Variants in ASTN2 observed in about 807,000 individuals in gnomAD.
ASTN2 encodes the protein astrotactin-2.
ASTN2 carries 54 observed loss-of-function variants against 139.8 expected under a neutral mutation model. The observed-to-expected ratio is 0.39, with a 90% CI of 0.31 to 0.48. ASTN2 has a LOEUF of 0.48. Among genes scored for constraint, ASTN2 ranks in the 20% least tolerant of loss-of-function variants. The pLI is 0.95. For synonymous variants in ASTN2, 756 were observed against 719.5 expected (o/e 1.05, Z -0.81); for missense variants, 1,565 against 1,725.1 (o/e 0.91, Z 1.64).
At chr9:117,350,762 G>A (rs1036077144) in intron 1 of ASTN2, among the ~76,000 whole-genome samples, 10 of 152,014 alleles carry the variant, frequency 6.6e-5, no homozygotes, top group Non-Finnish European at 1.0e-4. Flanking sequence ...TCTACGTTAG[G>A]CTAAGAATGT....
intron 3 of ASTN2, among the ~76,000 whole-genome samples, chr9:117,170,336 T>G (rs1368430912): frequency 6.6e-6 from 1 of 152,080 alleles, no homozygotes; most frequent in Non-Finnish European, 1.5e-5. Flanking sequence ...ATGACCTCAG[T>G]TGCAATCTTC....
intron 1 of ASTN2, among the ~76,000 whole-genome samples, chr9:117,339,316 C>T (rs1828988779): frequency 6.6e-6 from 1 of 152,158 alleles, no homozygotes; most frequent in African/African-American, 2.4e-5. Flanking sequence ...CACTATGCCA[C>T]ACCGCATTGG....
chr9:116,797,532 G>A (rs1269285418), intron 13 of ASTN2, among the ~76,000 whole-genome samples: 1 of 152,134 alleles, frequency 6.6e-6, no homozygotes, highest in Non-Finnish European at 1.5e-5. Flanking sequence ...CCTCAAAGAA[G>A]GCAGCAAAGT....
At chr9:116,560,234 A>G (rs936628707) in intron 19 of ASTN2, among the ~76,000 whole-genome samples, 12 of 152,180 alleles carry the variant, frequency 7.9e-5, no homozygotes, top group African/African-American at 2.7e-4. Context: ...ATAACAGCCC[A>G]GTGGCATTTG....
chr9:116,818,102 A>G (rs920054083), intron 12 of ASTN2, among the ~76,000 whole-genome samples: 34 of 152,190 alleles, frequency 2.2e-4, no homozygotes, highest in Admixed American at 2.1e-3. Context: ...CATCGCTTGT[A>G]GAATTGTTAT....
intron 2 of ASTN2, among the ~76,000 whole-genome samples, chr9:117,267,729 C>G (rs1370275167): frequency 6.6e-6 from 1 of 152,192 alleles, no homozygotes; most frequent in Non-Finnish European, 1.5e-5. Flanking sequence ...TCAGCTCACT[C>G]TCTGACTTTG....
chr9:116,982,963 A>G (rs550440321), intron 7 of ASTN2, among the ~76,000 whole-genome samples: 1 of 152,296 alleles, frequency 6.6e-6, no homozygotes, highest in Admixed American at 6.5e-5. Flanking sequence ...AGAGGAGCTC[A>G]TGGCTTGCCC....
rs532246664 is a variant in ASTN2, at chr9:117,310,904, C to A, written c.443-19391G>T. Among the ~76,000 whole-genome samples, 6 of 152,248 alleles carry A rather than the reference C, an allele frequency of 3.9e-5. No homozygotes were observed. In the South Asian group the frequency reaches 1.2e-3, roughly 32 times the overall value. On this transcript the variant is annotated intron_variant, in intron 1 of 22. Coordinates refer to ENST00000313400, the MANE Select transcript of ASTN2 (RefSeq NM_001365068.1). ...TTCCCAAATTGCTTACAGGCATGAG[C>A]CACTGTACTCTGCCATTTGGACATG...
intron 19 of ASTN2, chr9:116,546,245 T>C (rs1852085737): frequency 6.6e-6 from 1 of 152,190 alleles, no homozygotes; most frequent in Non-Finnish European, 1.5e-5. Context: ...TATACCAGTT[T>C]GGTATACAAT....
intron 10 of ASTN2, among the ~76,000 whole-genome samples, chr9:116,948,785 G>GGTTTT (rs1835470645): frequency 2.0e-5 from 1 of 49,472 alleles, no homozygotes; most frequent in Non-Finnish European, 3.4e-5. Context: ...ATAATTTGGT[G>GGTTTT]TTTTTTTTTT....
intron 1 of ASTN2, among the ~76,000 whole-genome samples, chr9:117,356,866 C>G (rs1302457310): frequency 6.6e-6 from 1 of 152,026 alleles, no homozygotes; most frequent in African/African-American, 2.4e-5. Flanking sequence ...AGCTCAAGAC[C>G]AGCCTGGCCA....
intron 13 of ASTN2, among the ~76,000 whole-genome samples, chr9:116,760,065 G>T (rs1389835494): frequency 1.3e-5 from 2 of 152,172 alleles, no homozygotes; most frequent in Non-Finnish European, 2.9e-5. Flanking sequence ...AACAGGACGG[G>T]TTTAGGAGCT....
At chr9:116,431,291 T>A (rs1847488961) in intron 22 of ASTN2, among the ~76,000 whole-genome samples, 1 of 152,062 alleles carries the variant, frequency 6.6e-6, no homozygotes, top group Non-Finnish European at 1.5e-5. Flanking sequence ...CCTCCCTCCC[T>A]CCTCCCTGCC....
chr9:117,309,690 T>C (rs999460817), intron 1 of ASTN2, among the ~76,000 whole-genome samples: 1 of 152,102 alleles, frequency 6.6e-6, no homozygotes, highest in African/African-American at 2.4e-5. Context: ...TACAAAAAAG[T>C]GGGGCAGCCC....
intron 7 of ASTN2, among the ~76,000 whole-genome samples, chr9:116,982,784 A>T (rs1279216241): frequency 1.3e-5 from 2 of 152,122 alleles, no homozygotes. Flanking sequence ...AGAGGCTGAG[A>T]TCTTGTTCAA....
At chr9:117,285,818 G>A (rs187287202) in intron 2 of ASTN2, among the ~76,000 whole-genome samples, 133 of 152,284 alleles carry the variant, frequency 8.7e-4, no homozygotes, top group African/African-American at 3.2e-3. Context: ...CTCCCTCATT[G>A]GAGGCCAGCA....
chr9:116,559,173 A>G lies in ASTN2; in HGVS notation c.3355+59151T>C, dbSNP rs1192085605. On this transcript the variant is annotated intron_variant, in intron 19 of 22. Transcript: ENST00000313400. Reference sequence around the variant, plus strand: ...TCTCCCCTCCTCTTCCATATGTGTTAAATGTTGCAATCAGAAAGACCCTTG... The same window carrying G: ...TCTCCCCTCCTCTTCCATATGTGTTGAATGTTGCAATCAGAAAGACCCTTG... Among the ~76,000 whole-genome samples, 3 of 152,208 alleles carry G rather than the reference A, an allele frequency of 2.0e-5. No homozygotes were observed. In the East Asian group the frequency reaches 5.8e-4, roughly 29 times the overall value.
chr9:117,313,518 T>C (rs760915967), intron 1 of ASTN2, among the ~76,000 whole-genome samples: 32 of 152,130 alleles, frequency 2.1e-4, no homozygotes, highest in Non-Finnish European at 1.5e-4. Flanking sequence ...GAAGCAACCA[T>C]AGGCAGTTTC....
intron 17 of ASTN2, among the ~76,000 whole-genome samples, chr9:116,636,154 T>C (rs915685670): frequency 6.6e-6 from 1 of 152,218 alleles, no homozygotes; most frequent in African/African-American, 2.4e-5. Flanking sequence ...TGCTATGTAA[T>C]ACTGATACTT....
Sources: allele counts gnomAD v4.1 joint callset (sites outside exome capture counted in the v4.1 genomes callset), GRCh38; gene constraint gnomAD v4.1.1; transcripts MANE v1.5; gene names NCBI Gene and HGNC (gene_info 2026-07-23, HGNC 2026-07-21).